The following TNFRSF8 variants were observed in gnomAD, a reference collection of about 807,000 sequenced individuals.
The protein encoded by TNFRSF8 is tumor necrosis factor receptor superfamily member 8.
A neutral mutation model predicts 70.8 loss-of-function variants in TNFRSF8; 26 were observed. That is an observed-to-expected ratio of 0.37 (90% CI 0.27 to 0.51). The LOEUF (loss-of-function observed/expected upper bound fraction) is 0.51. TNFRSF8 is among the 20% of genes least tolerant of loss of function. The pLI is 0.94. For synonymous variants in TNFRSF8, 356 were observed against 339.2 expected (o/e 1.05, Z -0.54); for missense variants, 720 against 807.9 (o/e 0.89, Z 1.32).
intron 2 of TNFRSF8, among the ~76,000 whole-genome samples, chr1:12,085,002 G>A (rs1160435145): frequency 2.0e-5 from 3 of 152,200 alleles, no homozygotes; most frequent in African/African-American, 7.2e-5. Context: ...GATCAGGGCT[G>A]GGGCCCAGGG....
intron 4 of TNFRSF8, among the ~76,000 whole-genome samples, chr1:12,104,875 G>C (rs1005543354): frequency 6.6e-6 from 1 of 152,170 alleles, no homozygotes; most frequent in African/African-American, 2.4e-5. Flanking sequence ...TAGAAGATTG[G>C]GGTTGGCTTC....
chr1:12,063,593 C>G lies in TNFRSF8; in HGVS notation c.-6C>G. The G allele has an allele frequency of 7.6e-7, 1 of 1,309,770 alleles. No homozygotes were observed. The highest frequency in any genetic ancestry group is 9.8e-7 in the Non-Finnish European group (1 of 1,020,856). The allele number at this position is 1,309,770 out of a possible 1,614,324, so 81.1% of individuals were successfully genotyped here. On this transcript the variant is annotated 5_prime_UTR_variant, in exon 1 of 15. Coordinates refer to ENST00000263932, the MANE Select transcript of TNFRSF8 (RefSeq NM_001243.5). This position sits in a 1 kb window ranked among gnomAD's most constrained non-coding sequence, Gnocchi z 7.2. Reference sequence around the variant, plus strand: ...CCGCCAGGCCACCTCACGTCCGGCCCCGGGGATGCGCGTCCTCCTCGCCGC... The same window carrying G: ...CCGCCAGGCCACCTCACGTCCGGCCGCGGGGATGCGCGTCCTCCTCGCCGC...
chr1:12,093,238 C>T (rs1390021320), intron 2 of TNFRSF8, among the ~76,000 whole-genome samples: 1 of 152,146 alleles, frequency 6.6e-6, no homozygotes, highest in East Asian at 1.9e-4. Flanking sequence ...GGGGTTAGGA[C>T]TCCAGCATAT....
Position 12,109,509 on chromosome 1 carries a change from C to G in TNFRSF8, c.422-57C>G. 6.9e-7 allele frequency: 1 copy of G among 1,447,148 alleles called. No homozygotes were observed. The highest frequency in any genetic ancestry group is 9.7e-7 in the Non-Finnish European group (1 of 1,035,506). The allele number at this position is 1,447,148 out of a possible 1,614,324, so 89.6% of individuals were successfully genotyped here. A position where few individuals can be genotyped will look rare whatever the true frequency, so the allele number is the denominator to read the frequency against. On this transcript the variant is annotated intron_variant, in intron 4 of 14. Coordinates refer to ENST00000263932, the MANE Select transcript of TNFRSF8 (RefSeq NM_001243.5). This position sits in a 1 kb window ranked among gnomAD's most constrained non-coding sequence, Gnocchi z 4.4. ...GGCCTGTGGTAGTGAAGGGTGTATTCCGGGAGACTTTGGGTCCCCAACACT... is the reference window on the plus strand; with the variant it reads ...GGCCTGTGGTAGTGAAGGGTGTATTGCGGGAGACTTTGGGTCCCCAACACT...
At chr1:12,107,105 C>T (rs544397818) in intron 4 of TNFRSF8, among the ~76,000 whole-genome samples, 1 of 152,304 alleles carries the variant, frequency 6.6e-6, no homozygotes, top group Admixed American at 6.5e-5. Context: ...ACTTAAAATG[C>T]AGCTAGGGGC....
chr1:12,099,424 T>A (rs1384542906), intron 3 of TNFRSF8, among the ~76,000 whole-genome samples: 1 of 152,068 alleles, frequency 6.6e-6, no homozygotes, highest in Non-Finnish European at 1.5e-5. Flanking sequence ...GGATTACAGG[T>A]GTGAGTCACC....
intron 12 of TNFRSF8, among the ~76,000 whole-genome samples, chr1:12,131,642 C>T (rs1642049459): frequency 1.3e-5 from 2 of 152,048 alleles, no homozygotes; most frequent in South Asian, 4.1e-4. Flanking sequence ...TACAGATACA[C>T]ACCACCACGC....
chr1:12,142,237 C>A lies in TNFRSF8; in HGVS notation c.1544-50C>A. 1 of 1,512,550 alleles carries A rather than the reference C, an allele frequency of 6.6e-7. No individual in the cohort carries two copies. Among genetic ancestry groups the A allele is most frequent in the Non-Finnish European group, 8.9e-7 (1 of 1,124,618 alleles). The allele number at this position is 1,512,550 out of a possible 1,614,324, so 93.7% of individuals were successfully genotyped here. A position where few individuals can be genotyped will look rare whatever the true frequency, so the allele number is the denominator to read the frequency against. On this transcript the variant is annotated intron_variant, in intron 14 of 14. Transcript: ENST00000263932. The surrounding 1 kb of genome is among the most constrained non-coding windows in gnomAD (Gnocchi z 5.0). ...CCCTTCTCTGCCTCTTTGCTCCCAT[C>A]CTGGCTGGTGCTCTGGCCTCCCTCG...
chr1:12,076,078 G>C (rs1345018913), intron 1 of TNFRSF8, among the ~76,000 whole-genome samples: 1 of 137,744 alleles, frequency 7.3e-6, no homozygotes, highest in African/African-American at 2.7e-5. Context: ...GGCCTTCTTG[G>C]TTTTATTCTT....
rs147311359 is a variant in TNFRSF8 at position 12,069,846 on chromosome 1, C to T, written c.63+6185C>T. 4.8e-3 allele frequency among the ~76,000 whole-genome samples: 726 copies of T among 152,254 alleles called. 5 individuals are homozygous for T. Among genetic ancestry groups the T allele is most frequent in the Middle Eastern group, 0.017 (5 of 294 alleles). ...AATCCTGTAGTGTGAGAGAGACGGG[C>T]GGCTCCCTAAGATGGGGAAAACAGG... On this transcript the variant is annotated intron_variant, in intron 1 of 14. Coordinates refer to ENST00000263932, the MANE Select transcript of TNFRSF8 (RefSeq NM_001243.5).
At chr1:12,131,097 C>T (rs1412823090) in intron 12 of TNFRSF8, among the ~76,000 whole-genome samples, 4 of 152,172 alleles carry the variant, frequency 2.6e-5, no homozygotes, top group South Asian at 4.1e-4. Flanking sequence ...TTTTCCTGAA[C>T]CTGCTGTGTG....
chr1:12,138,370 G>T lies in TNFRSF8; in HGVS notation c.1477G>T (p.Gly493Cys), dbSNP rs556697675. Residue 493 changes from glycine to cysteine, a missense_variant, in exon 14 of 15, where the codon GGC becomes TGC. Transcript: ENST00000263932. The surrounding 1 kb of genome is among the most constrained non-coding windows in gnomAD (Gnocchi z 5.7). The stretch of plus-strand genomic sequence containing the variant: ...GCTGCAGGATGCCAGCCCGGCCGGG[G>T]GCCCCTCGTCCCCCAGGGACCTTCC... ...LPLQDASPAG[G>C]PSSPRDLPEP... 2 of 1,613,634 alleles carry T rather than the reference G, an allele frequency of 1.2e-6. No homozygotes were observed.
intron 1 of TNFRSF8, among the ~76,000 whole-genome samples, chr1:12,074,437 G>A (rs1483718447): frequency 2.0e-5 from 3 of 151,880 alleles, no homozygotes; most frequent in Admixed American, 6.6e-5. Context: ...GCACCACTAC[G>A]CTAGGCTAAT....
In TNFRSF8 at chr1:12,106,643, G is replaced by C. The variant is rs966835111; in HGVS notation, c.421+2112G>C. Among the ~76,000 whole-genome samples the C allele has an allele frequency of 1.6e-4, 25 of 152,142 alleles. 1 individual carries two copies. Among genetic ancestry groups the C allele is most frequent in the Admixed American group, 1.0e-3 (16 of 15,268 alleles). On this transcript the variant is annotated intron_variant, in intron 4 of 14. Coordinates refer to ENST00000263932, the MANE Select transcript of TNFRSF8 (RefSeq NM_001243.5). ...CTGACAGGGAGCTCCGAGCTGGTGG[G>C]GGGGTGGAGTTCAAATCTGGTCAAA...
chr1:12,080,435 GTGT>G (rs1264046389), intron 1 of TNFRSF8: 3 of 526,626 alleles, frequency 5.7e-6, no homozygotes, highest in South Asian at 1.4e-5. Flanking sequence ...GAATACAAGT[GTGT>G]TGTTGTCTTC....
chr1:12,073,891 C>G (rs1255393453), intron 1 of TNFRSF8, among the ~76,000 whole-genome samples: 1 of 151,990 alleles, frequency 6.6e-6, no homozygotes, highest in African/African-American at 2.4e-5. Context: ...CCACCGCACC[C>G]AGCCCACTGC....
intron 13 of TNFRSF8, among the ~76,000 whole-genome samples, chr1:12,136,111 C>A (rs201867702): frequency 7.2e-6 from 1 of 139,756 alleles, no homozygotes; most frequent in African/African-American, 2.8e-5. Flanking sequence ...CCATTACTTT[C>A]TTTTAATTCA....
At chr1:12,077,514 C>A (rs546828379) in intron 1 of TNFRSF8, among the ~76,000 whole-genome samples, 14 of 152,322 alleles carry the variant, frequency 9.2e-5, no homozygotes, top group Admixed American at 3.3e-4. Flanking sequence ...AGCAAAGAAA[C>A]AAGACCTCAG....
At chr1:12,091,991 G>A (rs563990763) in intron 2 of TNFRSF8, among the ~76,000 whole-genome samples, 10 of 152,162 alleles carry the variant, frequency 6.6e-5, no homozygotes, top group East Asian at 1.9e-4. Flanking sequence ...CTCGCTCACC[G>A]TCACTCACCT....
Sources: gnomAD v4.1 joint callset for allele counts (sites outside exome capture counted in the v4.1 genomes callset) on GRCh38, gnomAD v4.1.1 for gene constraint, Gnocchi (gnomAD v3.1) non-coding constraint, MANE v1.5 for transcripts, NCBI Gene and HGNC (gene_info 2026-07-23, HGNC 2026-07-21) for gene names.